Variants in NBPF11 observed in about 807,000 individuals in gnomAD.
NBPF11 encodes the protein NBPF family member NBPF11.
NBPF11 carries 72 observed loss-of-function variants against 93.9 expected under a neutral mutation model. The ratio of observed to expected loss-of-function variants is 0.77; its 90% CI spans 0.63 to 0.93. The LOEUF is 0.93. NBPF11 is among the 40% of genes least tolerant of loss of function. NBPF11 has a pLI of 0.00. For missense variants in NBPF11, 705 were observed against 802.2 expected, an observed-to-expected ratio of 0.88 and a Z score of 1.46; for synonymous variants, 224 against 304.9, an observed-to-expected ratio of 0.73 and a Z score of 2.76.
chr1:148,126,114 C>A (rs1571459477), intron 5 of NBPF11, among the ~76,000 whole-genome samples: 1 of 151,940 alleles, frequency 6.6e-6, no homozygotes, highest in Non-Finnish European at 1.5e-5. Flanking sequence ...GATTCTCCTG[C>A]CTCAGCCTCC....
intron 1 of NBPF11, chr1:148,146,855 C>G (rs1436801944): frequency 3.7e-6 from 6 of 1,613,700 alleles, no homozygotes; most frequent in Admixed American, 3.3e-5. Context: ...GGTGCCAGCT[C>G]GGGCAGGCCT....
intron 4 of NBPF11, among the ~76,000 whole-genome samples, chr1:148,133,791 T>C (rs1375548260): frequency 7.3e-5 from 11 of 151,390 alleles, no homozygotes; most frequent in African/African-American, 1.5e-4. Context: ...AAGCTCCAGG[T>C]ATCTGAACTG....
chr1:148,107,357 G>C (rs1571408051), intron 19 of NBPF11, among the ~76,000 whole-genome samples: 1 of 150,852 alleles, frequency 6.6e-6, no homozygotes, highest in South Asian at 2.1e-4. Flanking sequence ...AATTGGCCGG[G>C]TGACACACTG....
At chr1:148,141,761 G>A (rs1672204012) in intron 2 of NBPF11, among the ~76,000 whole-genome samples, 1 of 151,756 alleles carries the variant, frequency 6.6e-6, no homozygotes, top group Non-Finnish European at 1.5e-5. Context: ...GAACCACTGA[G>A]ACTCAGCAGC....
chr1:148,147,611 G>A (rs1345539466), intron 1 of NBPF11, among the ~76,000 whole-genome samples: 1 of 151,976 alleles, frequency 6.6e-6, no homozygotes, highest in African/African-American at 2.4e-5. Flanking sequence ...TCTCGTCCTG[G>A]CCCTGCCCAG....
intron 16 of NBPF11, 110 bp from the exon 17 acceptor site, chr1:148,109,445 A>T: frequency 1.2e-6 from 1 of 828,466 alleles, no homozygotes; most frequent in Non-Finnish European, 2.0e-6. Flanking sequence ...TCAGTGTGAA[A>T]ACAGGAGACT....
chr1:148,123,445 GGA>G (rs1335731034), intron 7 of NBPF11, among the ~76,000 whole-genome samples: 3 of 152,162 alleles, frequency 2.0e-5, no homozygotes, highest in African/African-American at 4.8e-5. Context: ...CTTTGCAGAT[GGA>G]GAGAGAGAAA....
intron 9 of NBPF11, 85 bp downstream of exon 9, chr1:148,121,970 C>G: frequency 1.1e-6 from 1 of 942,748 alleles, no homozygotes; most frequent in Non-Finnish European, 1.8e-6. Flanking sequence ...AAAACAATAA[C>G]AATATGTGTA....
chr1:148,119,329 G>T (rs1667282675), intron 10 of NBPF11, among the ~76,000 whole-genome samples: 1 of 151,856 alleles, frequency 6.6e-6, no homozygotes, highest in African/African-American at 2.4e-5. Flanking sequence ...GCAGAATGAA[G>T]AACTAATAGA....
In NBPF11 at chr1:148,109,267, C is replaced by A; in HGVS notation, c.1853+17G>T. 1.2e-6 allele frequency: 1 copy of A among 810,872 alleles called. No individual in the cohort carries two copies. The allele number at this position is 810,872 out of a possible 1,614,324, so 50.2% of individuals were successfully genotyped here. On this transcript the variant is annotated intron_variant, in intron 17 of 23. Transcript: ENST00000682118. ...GTGTCAACATCAAATTAACTGTCCA[C>A]AATTTCTCAGACTCACCTGGGACCT...
At chr1:148,145,789 G>A (rs1672900473) in intron 1 of NBPF11, among the ~76,000 whole-genome samples, 1 of 150,960 alleles carries the variant, frequency 6.6e-6, no homozygotes, top group African/African-American at 2.5e-5. Context: ...TGAGGCAGGA[G>A]CATCACCTGA....
At chr1:148,148,032 T>A (rs1365169437) in intron 1 of NBPF11, among the ~76,000 whole-genome samples, 1 of 152,118 alleles carries the variant, frequency 6.6e-6, no homozygotes, top group Non-Finnish European at 1.5e-5. Flanking sequence ...GACATCCAGG[T>A]GGCAGCTGGG....
At chr1:148,140,969 A>T (rs2149289923) in intron 2 of NBPF11, among the ~76,000 whole-genome samples, 1 of 152,200 alleles carries the variant, frequency 6.6e-6, no homozygotes, top group Admixed American at 6.5e-5. Context: ...AATCTGATTC[A>T]GGGATTTTAC....
intron 15 of NBPF11, among the ~76,000 whole-genome samples, chr1:148,111,630 G>A (rs1368707836): frequency 4.0e-5 from 6 of 151,238 alleles, no homozygotes; most frequent in South Asian, 2.1e-4. Context: ...TAGCCAATTC[G>A]ATCAAGTGCA....
intron 20 of NBPF11, among the ~76,000 whole-genome samples, chr1:148,106,522 C>T (rs1337592857): frequency 1.4e-5 from 2 of 138,324 alleles, no homozygotes; most frequent in African/African-American, 6.0e-5. Flanking sequence ...AAGAAAATGC[C>T]CCAGAGGATT....
intron 4 of NBPF11, among the ~76,000 whole-genome samples, chr1:148,134,375 C>T (rs1391565487): frequency 1.3e-5 from 2 of 150,364 alleles, no homozygotes; most frequent in African/African-American, 4.9e-5. Context: ...TTCCAGGCTC[C>T]ATCGGGTGCC....
intron 8 of NBPF11, 129 bp from the exon 9 acceptor site, chr1:148,122,395 T>A (rs59917808): frequency 1.5e-4 from 227 of 1,481,708 alleles, no homozygotes; most frequent in Non-Finnish European, 1.7e-4. Context: ...AGGTTCCCTT[T>A]AAGAGGGAAC....
intron 5 of NBPF11, among the ~76,000 whole-genome samples, chr1:148,125,667 A>T (rs1421914006): frequency 2.0e-5 from 3 of 152,070 alleles, no homozygotes; most frequent in African/African-American, 7.3e-5. Flanking sequence ...AGAATGAAGA[A>T]CTAATAGATA....
At chr1:148,136,298 T>C (rs1221180514) in intron 3 of NBPF11, among the ~76,000 whole-genome samples, 5 of 151,668 alleles carry the variant, frequency 3.3e-5, no homozygotes, top group Non-Finnish European at 7.4e-5. Context: ...TTATTCGTAA[T>C]AGGAAAAACT....
Sources: allele counts gnomAD v4.1 joint callset (sites outside exome capture counted in the v4.1 genomes callset), GRCh38; gene constraint gnomAD v4.1.1; transcripts MANE v1.5; gene names NCBI Gene and HGNC (gene_info 2026-07-23, HGNC 2026-07-21).